The following NDST4 variants were observed in gnomAD, a reference collection of about 807,000 sequenced individuals.
The protein encoded by NDST4 is N-heparan sulfate sulfotransferase 4.
A neutral mutation model predicts 100.8 loss-of-function variants in NDST4; 63 were observed. That is an observed-to-expected ratio of 0.62 (90% CI 0.51 to 0.77). The LOEUF (loss-of-function observed/expected upper bound fraction) is 0.77. Ranked by LOEUF, NDST4 falls within the 30% of genes least tolerant of loss-of-function variation. NDST4 has a pLI of 0.00. For missense variants in NDST4, 943 were observed against 1,018.4 expected, an observed-to-expected ratio of 0.93 and a Z score of 1.01; for synonymous variants, 377 against 361.8, an observed-to-expected ratio of 1.04 and a Z score of -0.48.
In NDST4 at chr4:114,828,626, A is replaced by G. The variant is rs72906911; in HGVS notation, c.2500-691T>C. Among the ~76,000 whole-genome samples the G allele has an allele frequency of 4.2e-3, 635 of 152,302 alleles. 5 individuals carry two copies. Among genetic ancestry groups the G allele is most frequent in the African/African-American group, 0.015 (610 of 41,582 alleles). On this transcript the variant is annotated intron_variant, in intron 13 of 13. Coordinates refer to ENST00000264363, the MANE Select transcript of NDST4 (RefSeq NM_022569.3). ...TCTTTCATCTACACAGATTTCTGGA[A>G]AACAGGACATTTCTAATTGGACTTT...
chr4:114,951,650 CA>C (rs1725992463), intron 4 of NDST4, among the ~76,000 whole-genome samples: 1 of 152,082 alleles, frequency 6.6e-6, no homozygotes. Context: ...ATTTATTTTA[CA>C]TATTTGAAAA....
At chr4:114,917,711 T>C (rs1047239207) in intron 6 of NDST4, among the ~76,000 whole-genome samples, 2 of 152,132 alleles carry the variant, frequency 1.3e-5, no homozygotes, top group African/African-American at 4.8e-5. Flanking sequence ...AGGGGTGCAT[T>C]TCCACTACCA....
chr4:115,073,817 T>C (rs141267654), intron 2 of NDST4, among the ~76,000 whole-genome samples: 29 of 152,100 alleles, frequency 1.9e-4, no homozygotes, highest in African/African-American at 7.0e-4. Flanking sequence ...CAAAAAATGA[T>C]AAGTATCTGG....
intron 11 of NDST4, among the ~76,000 whole-genome samples, chr4:114,838,069 A>G (rs1723341051): frequency 6.6e-6 from 1 of 152,220 alleles, no homozygotes; most frequent in African/African-American, 2.4e-5. Flanking sequence ...ATATGGAAAA[A>G]TCTTATCATC....
chr4:114,946,678 G>A (rs763300030), intron 4 of NDST4, among the ~76,000 whole-genome samples: 1 of 152,154 alleles, frequency 6.6e-6, no homozygotes, highest in Non-Finnish European at 1.5e-5. Flanking sequence ...ATGTCAAGAG[G>A]CAGAGTTGCT....
chr4:115,052,033 T>G lies in NDST4; in HGVS notation c.978+24026A>C, dbSNP rs915398484. ...TGATTTGCATTTCTCTGATGATTAG[T>G]GATGTGAGCACTTTTTCATATACCT... On this transcript the variant is annotated intron_variant, in intron 2 of 13. Transcript: ENST00000264363. Among the ~76,000 whole-genome samples the G allele has an allele frequency of 5.3e-5, 8 of 152,258 alleles. No individual in the cohort carries two copies. The East Asian group carries it at 1.2e-3, about 22-fold the overall frequency.
intron 1 of NDST4, among the ~76,000 whole-genome samples, chr4:115,112,415 G>A (rs1729973865): frequency 6.6e-6 from 1 of 151,882 alleles, no homozygotes; most frequent in African/African-American, 2.4e-5. Context: ...TGCAATTTAT[G>A]TTAAAGCATT....
intron 1 of NDST4, among the ~76,000 whole-genome samples, chr4:115,097,742 C>T (rs940162867): frequency 6.6e-5 from 10 of 152,150 alleles, no homozygotes; most frequent in African/African-American, 1.9e-4. Context: ...CCACCAAAAT[C>T]GGCCCTAATT....
chr4:115,072,798 A>C (rs745421761), intron 2 of NDST4, among the ~76,000 whole-genome samples: 2 of 152,004 alleles, frequency 1.3e-5, no homozygotes, highest in African/African-American at 4.8e-5. Context: ...GATATGACCC[A>C]AAAACACAAG....
At chr4:114,955,794 T>C (rs1726126433) in intron 4 of NDST4, 1 of 152,254 alleles carries the variant, frequency 6.6e-6, no homozygotes, top group Admixed American at 6.5e-5. Flanking sequence ...TGAGAGTCGA[T>C]GGCATGTGAG....
chr4:114,902,807 A>T (rs1461936915), intron 6 of NDST4, among the ~76,000 whole-genome samples: 1 of 151,774 alleles, frequency 6.6e-6, no homozygotes, highest in East Asian at 1.9e-4. Flanking sequence ...TTACTGAGAT[A>T]TTTTCAAGCT....
chr4:115,033,147 ATATATATATAT>A (rs1415860392), intron 2 of NDST4, among the ~76,000 whole-genome samples: 8 of 126,718 alleles, frequency 6.3e-5, no homozygotes, highest in African/African-American at 1.7e-4. Context: ...ATATATATAT[ATATATATATAT>A]TTTTTTTTTT....
At chr4:114,940,367 T>G (rs929410132) in intron 4 of NDST4, among the ~76,000 whole-genome samples, 3 of 152,220 alleles carry the variant, frequency 2.0e-5, no homozygotes, top group African/African-American at 4.8e-5. Context: ...TAAAATGTAT[T>G]TAGCACTAAA....
intron 1 of NDST4, among the ~76,000 whole-genome samples, chr4:115,086,532 G>T (rs1729413159): frequency 6.6e-6 from 1 of 151,918 alleles, no homozygotes; most frequent in African/African-American, 2.4e-5. Context: ...TCCTAAAAGT[G>T]TCATTTCAAA....
chr4:114,920,863 A>G (rs1014429889), intron 6 of NDST4, among the ~76,000 whole-genome samples: 2 of 152,168 alleles, frequency 1.3e-5, no homozygotes, highest in Non-Finnish European at 2.9e-5. Flanking sequence ...ATGAAACCCA[A>G]TCTAAAGGTT....
intron 2 of NDST4, among the ~76,000 whole-genome samples, chr4:115,057,144 C>T (rs1220909842): frequency 2.6e-5 from 4 of 152,016 alleles, no homozygotes; most frequent in African/African-American, 7.2e-5. Flanking sequence ...AAATGTTTTT[C>T]TCTGGAGTAA....
intron 10 of NDST4, among the ~76,000 whole-genome samples, chr4:114,843,060 A>C (rs1723467344): frequency 6.6e-6 from 1 of 152,194 alleles, no homozygotes; most frequent in Non-Finnish European, 1.5e-5. Flanking sequence ...CATATATCAT[A>C]TATCATATGA....
At chr4:114,940,907 CT>C (rs1480254147) in intron 4 of NDST4, among the ~76,000 whole-genome samples, 1 of 152,136 alleles carries the variant, frequency 6.6e-6, no homozygotes. Context: ...CTCAGTTGCT[CT>C]CCTGCTCTGC....
chr4:115,089,781 G>A (rs1268421822), intron 1 of NDST4, among the ~76,000 whole-genome samples: 1 of 151,846 alleles, frequency 6.6e-6, no homozygotes, highest in South Asian at 2.1e-4. Flanking sequence ...TTGGAACAAT[G>A]ATCTCAGAAT....
Sources: gnomAD v4.1 joint callset for allele counts (sites outside exome capture counted in the v4.1 genomes callset) on GRCh38, gnomAD v4.1.1 for gene constraint, MANE v1.5 for transcripts, NCBI Gene and HGNC (gene_info 2026-07-23, HGNC 2026-07-21) for gene names.